Variants in RAPGEF4 observed in about 807,000 individuals in gnomAD.
RAPGEF4 encodes the protein RAP guanine-nucleotide-exchange factor (GEF) 4.
Under a neutral mutation model 147.9 loss-of-function variants are expected in RAPGEF4, and 66 were observed. The observed-to-expected ratio is 0.45, with a 90% CI of 0.37 to 0.55. The LOEUF is 0.55. Ranked by LOEUF, RAPGEF4 falls within the 20% of genes least tolerant of loss-of-function variation. The pLI is 0.00. For missense variants in RAPGEF4, 1,071 were observed against 1,257.3 expected (o/e 0.85, Z 2.24); for synonymous variants, 419 against 442.7 (o/e 0.95, Z 0.67).
intron 4 of RAPGEF4, among the ~76,000 whole-genome samples, chr2:172,858,471 C>T (rs945527696): frequency 2.6e-5 from 4 of 152,098 alleles, no homozygotes; most frequent in South Asian, 2.1e-4. Context: ...CTCCAGTGAC[C>T]GGCCCATAAA....
chr2:172,778,944 G>T (rs1195380965), intron 1 of RAPGEF4, among the ~76,000 whole-genome samples: 2 of 152,082 alleles, frequency 1.3e-5, no homozygotes, highest in Non-Finnish European at 2.9e-5. Flanking sequence ...ATTCTGAGGA[G>T]TTATTATTAC....
In RAPGEF4 at chr2:172,883,721, C is replaced by G. The variant is rs951438348; in HGVS notation, c.445-34081C>G. Among the ~76,000 whole-genome samples the G allele has an allele frequency of 2.0e-5, 3 of 152,162 alleles. No homozygotes were observed. The East Asian group carries it at 5.8e-4, about 29-fold the overall frequency. On this transcript the variant is annotated intron_variant, in intron 4 of 30. Coordinates refer to ENST00000397081, the MANE Select transcript of RAPGEF4 (RefSeq NM_007023.4). The stretch of plus-strand genomic sequence containing the variant: ...GGAAAGGTGGGTATGGTTGGAAGCC[C>G]GCTTCAGTTGGCAGTGTCTGGGAGA...
At position 172,982,832 on chromosome 2, in the gene RAPGEF4, G is replaced by C. The variant is rs183683974; in HGVS notation, c.1005-664G>C. The stretch of plus-strand genomic sequence containing the variant: ...ACTGATTAATATCTGGTGGGCAGTG[G>C]TGGTTTTTGTAACAAGAGTTTGGGA... On this transcript the variant is annotated intron_variant, in intron 10 of 30. Transcript: ENST00000397081. Among the ~76,000 whole-genome samples, 6 of 152,276 alleles carry C rather than the reference G, an allele frequency of 3.9e-5. No individual in the cohort carries two copies. In the East Asian group the frequency reaches 5.8e-4, roughly 15 times the overall value.
chr2:172,983,381 C>G (rs1691887006), intron 10 of RAPGEF4, 115 bp from the exon 11 acceptor site: 1 of 1,500,864 alleles, frequency 6.7e-7, no homozygotes, highest in Non-Finnish European at 8.8e-7. Flanking sequence ...CCGCCAATAT[C>G]TTCTTGTGCA....
intron 4 of RAPGEF4, among the ~76,000 whole-genome samples, chr2:172,835,774 A>G (rs1690856267): frequency 6.6e-6 from 1 of 152,226 alleles, no homozygotes; most frequent in African/African-American, 2.4e-5. Flanking sequence ...GCTAAAAAAT[A>G]TACAATTTTC....
chr2:172,927,039 G>A (rs1258870007), intron 6 of RAPGEF4, among the ~76,000 whole-genome samples: 1 of 152,180 alleles, frequency 6.6e-6, no homozygotes, highest in Non-Finnish European at 1.5e-5. Context: ...ACCCAGCCTG[G>A]AGATCATCTC....
At chr2:172,808,351 G>A (rs1687703759) in intron 3 of RAPGEF4, among the ~76,000 whole-genome samples, 1 of 152,158 alleles carries the variant, frequency 6.6e-6, no homozygotes, top group Non-Finnish European at 1.5e-5. Flanking sequence ...TTGTCAGAAG[G>A]GTTCCTTTGA....
At chr2:172,741,265 T>C (rs1488981747) in intron 1 of RAPGEF4, among the ~76,000 whole-genome samples, 1 of 152,274 alleles carries the variant, frequency 6.6e-6, no homozygotes, top group African/African-American at 2.4e-5. Flanking sequence ...TGCTTACTTC[T>C]CTTTTCACAT....
intron 13 of RAPGEF4, 37 bp downstream of exon 13, chr2:172,988,309 C>G: frequency 6.3e-7 from 1 of 1,582,266 alleles, no homozygotes; most frequent in Non-Finnish European, 8.5e-7. Flanking sequence ...CTTTATTACG[C>G]TCCACTTACT....
intron 4 of RAPGEF4, among the ~76,000 whole-genome samples, chr2:172,893,304 G>A (rs889029633): frequency 6.6e-6 from 1 of 152,210 alleles, no homozygotes; most frequent in Admixed American, 6.5e-5. Context: ...GCCCCGTCCT[G>A]GGAGAGAACT....
intron 4 of RAPGEF4, among the ~76,000 whole-genome samples, chr2:172,908,364 A>T (rs1699812534): frequency 6.6e-6 from 1 of 152,220 alleles, no homozygotes; most frequent in Non-Finnish European, 1.5e-5. Context: ...GGGTGTCTGC[A>T]CACCTCGGTT....
At chr2:172,922,858 G>T (rs1684903919) in intron 6 of RAPGEF4, among the ~76,000 whole-genome samples, 1 of 152,204 alleles carries the variant, frequency 6.6e-6, no homozygotes, top group South Asian at 2.1e-4. Context: ...AGTGGTCATG[G>T]TTTAGTGGCA....
In RAPGEF4 at chr2:172,890,665, A is replaced by G. The variant is rs141937940; in HGVS notation, c.445-27137A>G. ...TTCAAACCTAGACAGACAGCTTCAC[A>G]TGAATCTGCAAGAAGCAGGGAGGGA... On this transcript the variant is annotated intron_variant, in intron 4 of 30. Coordinates refer to ENST00000397081, the MANE Select transcript of RAPGEF4 (RefSeq NM_007023.4). Among the ~76,000 whole-genome samples, 374 of 152,342 alleles carry G rather than the reference A, an allele frequency of 2.5e-3. 1 individual carries two copies. The highest frequency in any genetic ancestry group is 8.5e-3 in the African/African-American group (355 of 41,584).
In RAPGEF4 at chr2:172,996,561, A is replaced by C; in HGVS notation, c.1579+7A>C. 3 of 1,535,854 alleles carry C rather than the reference A, an allele frequency of 2.0e-6. No individual in the cohort carries two copies. Among genetic ancestry groups the C allele is most frequent in the African/African-American group, 2.8e-5 (2 of 70,822 alleles). On this transcript the variant is annotated splice_region_variant and intron_variant, in intron 16 of 30. Coordinates refer to ENST00000397081, the MANE Select transcript of RAPGEF4 (RefSeq NM_007023.4). The stretch of plus-strand genomic sequence containing the variant: ...ACTTTAAATGAAGCAACAGGTATAC[A>C]CATAGAACCGTTTGCATGTCCATTA...
intron 4 of RAPGEF4, among the ~76,000 whole-genome samples, chr2:172,837,738 T>G (rs1163403492): frequency 6.6e-6 from 1 of 152,120 alleles, no homozygotes; most frequent in Non-Finnish European, 1.5e-5. Context: ...TGGCTAAATT[T>G]ATTTTGGTGG....
intron 1 of RAPGEF4, among the ~76,000 whole-genome samples, chr2:172,754,023 G>C (rs1695542458): frequency 6.6e-6 from 1 of 152,118 alleles, no homozygotes; most frequent in Admixed American, 6.5e-5. Flanking sequence ...AAAAGTTACA[G>C]GCTATGATTT....
chr2:172,995,509 A>G (rs1221132193), intron 15 of RAPGEF4, among the ~76,000 whole-genome samples: 2 of 152,096 alleles, frequency 1.3e-5, no homozygotes, highest in African/African-American at 4.8e-5. Context: ...CGAACTTCTG[A>G]GCTCAGGCAA....
At chr2:172,797,187 C>T (rs1407139522) in intron 2 of RAPGEF4, among the ~76,000 whole-genome samples, 1 of 152,184 alleles carries the variant, frequency 6.6e-6, no homozygotes, top group Non-Finnish European at 1.5e-5. Context: ...CTAGAAAACA[C>T]ATTGCTTTTA....
At chr2:173,016,057 A>G (rs1234373737) in intron 18 of RAPGEF4, among the ~76,000 whole-genome samples, 2 of 152,232 alleles carry the variant, frequency 1.3e-5, no homozygotes, top group East Asian at 3.8e-4. Flanking sequence ...GATATCTAAT[A>G]TAAATTTTCC....
Sources: gnomAD v4.1 joint callset for allele counts (sites outside exome capture counted in the v4.1 genomes callset) on GRCh38, gnomAD v4.1.1 for gene constraint, MANE v1.5 for transcripts, NCBI Gene and HGNC (gene_info 2026-07-23, HGNC 2026-07-21) for gene names.